CDH12: variants seen among roughly 807,000 people sequenced by gnomAD.
The protein encoded by CDH12 is cadherin-12.
Under a neutral mutation model 74.1 loss-of-function variants are expected in CDH12, and 41 were observed. The ratio of observed to expected loss-of-function variants is 0.55; its 90% confidence interval spans 0.43 to 0.72. The LOEUF (loss-of-function observed/expected upper bound fraction) is 0.72. Ranked by LOEUF, CDH12 falls within the 30% of genes least tolerant of loss-of-function variation. The pLI is 0.00. For missense variants in CDH12, 945 were observed against 977.2 expected, an observed-to-expected ratio of 0.97 and a Z score of 0.44; for synonymous variants, 399 against 355.0, an observed-to-expected ratio of 1.12 and a Z score of -1.39.
intron 1 of CDH12, among the ~76,000 whole-genome samples, chr5:22,634,775 C>T (rs1738753475): frequency 6.6e-6 from 1 of 151,866 alleles, no homozygotes; most frequent in Non-Finnish European, 1.5e-5. Flanking sequence ...AAATAAATTC[C>T]TTGGGAATAA....
intron 1 of CDH12, among the ~76,000 whole-genome samples, chr5:22,595,552 T>C (rs1481387694): frequency 1.3e-5 from 2 of 152,198 alleles, no homozygotes; most frequent in Non-Finnish European, 2.9e-5. Flanking sequence ...TTATTTCATA[T>C]TCACTGTAAA....
rs112462561 is a variant in CDH12 at position 21,855,996 on chromosome 5, T to C, written c.527-1206A>G. Among the ~76,000 whole-genome samples the C allele has an allele frequency of 4.7e-3, 721 of 151,856 alleles. 10 individuals carry two copies. Among genetic ancestry groups the C allele is most frequent in the African/African-American group, 0.017 (695 of 41,490 alleles). The stretch of plus-strand genomic sequence containing the variant: ...AAAATGGTTGAGTGAATCTTGGCTA[T>C]ATTAACAGAGGAAAAATATATTACA... On this transcript the variant is annotated intron_variant, in intron 6 of 14. Transcript: ENST00000382254.
chr5:22,654,498 C>T (rs538977622), intron 1 of CDH12, among the ~76,000 whole-genome samples: 3 of 152,126 alleles, frequency 2.0e-5, no homozygotes, highest in Admixed American at 6.5e-5. Flanking sequence ...CAATGTTAGC[C>T]AGGCTGGTCT....
intron 4 of CDH12, among the ~76,000 whole-genome samples, chr5:22,125,637 A>G (rs1464538810): frequency 6.6e-6 from 1 of 151,930 alleles, no homozygotes; most frequent in African/African-American, 2.4e-5. Flanking sequence ...TCTACCACCA[A>G]CCTCTGCAAG....
chr5:22,635,016 A>G (rs1467532869), intron 1 of CDH12, among the ~76,000 whole-genome samples: 1 of 151,742 alleles, frequency 6.6e-6, no homozygotes, highest in East Asian at 1.9e-4. Flanking sequence ...ATGATCACAT[A>G]ATGCAAGGAA....
At chr5:22,579,998 T>C (rs1440012275) in intron 1 of CDH12, among the ~76,000 whole-genome samples, 1 of 152,076 alleles carries the variant, frequency 6.6e-6, no homozygotes, top group Non-Finnish European at 1.5e-5. Context: ...TCAAAGCTAC[T>C]TTTTTCCCCG....
At chr5:22,362,837 A>G (rs2126309400) in intron 3 of CDH12, among the ~76,000 whole-genome samples, 1 of 149,854 alleles carries the variant, frequency 6.7e-6, no homozygotes, top group South Asian at 2.1e-4. Context: ...AAGGACAAAA[A>G]CCCAAACACC....
At chr5:21,838,773 C>T (rs536819223) in intron 8 of CDH12, among the ~76,000 whole-genome samples, 199 of 152,258 alleles carry the variant, frequency 1.3e-3, no homozygotes, top group African/African-American at 4.5e-3. Context: ...ATCTTGGTTT[C>T]CTAAGCATAC....
At chr5:22,117,880 C>T (rs1278369101) in intron 4 of CDH12, among the ~76,000 whole-genome samples, 1 of 151,644 alleles carries the variant, frequency 6.6e-6, no homozygotes, top group African/African-American at 2.4e-5. Context: ...GTAGACTTAA[C>T]ATAGATAACA....
At chr5:21,929,787 G>T (rs111542314) in intron 6 of CDH12, among the ~76,000 whole-genome samples, 7,347 of 152,166 alleles carry the variant, frequency 0.048, 237 homozygotes, top group Middle Eastern at 0.085. Flanking sequence ...CCAAAGTGCT[G>T]GGATTACAGG....
intron 1 of CDH12, among the ~76,000 whole-genome samples, chr5:22,600,591 C>T (rs1736810453): frequency 6.6e-6 from 1 of 151,782 alleles, no homozygotes; most frequent in African/African-American, 2.4e-5. Flanking sequence ...CCCTATGCTA[C>T]CTTATGTGTA....
intron 1 of CDH12, among the ~76,000 whole-genome samples, chr5:22,529,972 C>T (rs10214157): frequency 0.16 from 24,624 of 152,034 alleles, 2,582 homozygotes; most frequent in East Asian, 0.37. Flanking sequence ...GATACCTCAA[C>T]AGCAAAACAG....
At chr5:22,624,693 C>A (rs1254417822) in intron 1 of CDH12, among the ~76,000 whole-genome samples, 1 of 152,180 alleles carries the variant, frequency 6.6e-6, no homozygotes, top group African/African-American at 2.4e-5. Context: ...GAAACAGGAA[C>A]ACTTTTACAC....
chr5:21,805,023 G>T (rs978935499), intron 9 of CDH12, among the ~76,000 whole-genome samples: 26 of 151,996 alleles, frequency 1.7e-4, no homozygotes, highest in Admixed American at 1.6e-3. Flanking sequence ...TCTATGTTAG[G>T]TATCCTTAAC....
chr5:22,193,304 A>G (rs1361200536), intron 4 of CDH12, among the ~76,000 whole-genome samples: 1 of 152,366 alleles, frequency 6.6e-6, no homozygotes, highest in Middle Eastern at 3.4e-3. Flanking sequence ...ATTCTAACCA[A>G]GAGCATAAGG....
At chr5:22,693,099 C>T (rs1257509690) in intron 1 of CDH12, among the ~76,000 whole-genome samples, 2 of 151,902 alleles carry the variant, frequency 1.3e-5, no homozygotes, top group Non-Finnish European at 2.9e-5. Context: ...CATCTTCCTG[C>T]TTCAGCATCC....
intron 1 of CDH12, among the ~76,000 whole-genome samples, chr5:22,587,354 C>T (rs1051509821): frequency 2.6e-5 from 4 of 152,098 alleles, no homozygotes; most frequent in South Asian, 2.1e-4. Flanking sequence ...AATAAACCTC[C>T]GTTCTTTATA....
intron 5 of CDH12, among the ~76,000 whole-genome samples, chr5:22,002,461 C>A (rs1484183596): frequency 6.6e-6 from 1 of 152,008 alleles, no homozygotes; most frequent in South Asian, 2.1e-4. Context: ...TATTTTCTTA[C>A]AAAATATGAG....
chr5:22,031,544 C>A (rs1283270588), intron 5 of CDH12, among the ~76,000 whole-genome samples: 3 of 152,138 alleles, frequency 2.0e-5, no homozygotes, highest in African/African-American at 7.2e-5. Context: ...AGAAGCCTAC[C>A]TTTCAGCCTA....
Sources: gnomAD v4.1 joint callset for allele counts (sites outside exome capture counted in the v4.1 genomes callset) on GRCh38, gnomAD v4.1.1 for gene constraint, MANE v1.5 for transcripts, NCBI Gene and HGNC (gene_info 2026-07-23, HGNC 2026-07-21) for gene names.